The following MRPS6 variants were observed in gnomAD, a reference collection of about 807,000 sequenced individuals.
MRPS6 encodes mitochondrial ribosomal protein S6, also known as small ribosomal subunit protein bS6m.
A neutral mutation model predicts 13.1 loss-of-function variants in MRPS6; 6 were observed. The ratio of observed to expected loss-of-function variants is 0.46; its 90% CI spans 0.25 to 0.91. MRPS6 has a LOEUF of 0.91. Ranked by LOEUF, MRPS6 falls within the 40% of genes least tolerant of loss-of-function variation. MRPS6 has a pLI of 0.18. For synonymous variants in MRPS6, 61 were observed against 56.5 expected (o/e 1.08, Z -0.36); for missense variants, 164 against 155.6 (o/e 1.05, Z -0.29).
At chr21:34,128,636 A>G (rs1161197175) in intron 2 of MRPS6, among the ~76,000 whole-genome samples, 1 of 152,180 alleles carries the variant, frequency 6.6e-6, no homozygotes, top group Non-Finnish European at 1.5e-5. Flanking sequence ...TTTGCCTGTA[A>G]GTCTGTTGTT....
At chr21:34,100,858 T>A in intron 1 of MRPS6, 2 of 1,000,228 alleles carry the variant, frequency 2.0e-6, no homozygotes, top group Non-Finnish European at 2.4e-6. Context: ...TACCACCAAA[T>A]AAAGCGGCTT....
intron 1 of MRPS6, chr21:34,105,396 A>G (rs1979432441): frequency 1.0e-6 from 1 of 999,246 alleles, no homozygotes; most frequent in Non-Finnish European, 1.2e-6. Flanking sequence ...TTCTTTTTCT[A>G]ATAATATCCT....
chr21:34,139,523 G>A (rs751751760), intron 2 of MRPS6, among the ~76,000 whole-genome samples: 8 of 152,170 alleles, frequency 5.3e-5, no homozygotes, highest in Non-Finnish European at 1.0e-4. Flanking sequence ...CTTCTTGAGT[G>A]AGGTTTGGTA....
chr21:34,131,166 A>T (rs1189275144), intron 2 of MRPS6, among the ~76,000 whole-genome samples: 1 of 152,232 alleles, frequency 6.6e-6, no homozygotes, highest in East Asian at 1.9e-4. Context: ...AGCTTTTGTT[A>T]AGTAAGAATG....
rs532545665 is a variant in MRPS6 at position 34,081,774 on chromosome 21, G to A, written c.45+8029G>A. On this transcript the variant is annotated intron_variant, in intron 1 of 2. Transcript: ENST00000399312. ...GTAGCTTTGTGGTCTTAGGCAAGTC[G>A]CTGTGAACTTCATTGCCTAGTTTTT... is the stretch of plus-strand genomic sequence containing the variant. Among the ~76,000 whole-genome samples the A allele has an allele frequency of 1.2e-4, 19 of 152,270 alleles. 1 individual carries two copies. The South Asian group carries it at 3.5e-3, about 28-fold the overall frequency.
chr21:34,118,557 C>CTTTCTTTCT (rs1556008872), intron 1 of MRPS6, among the ~76,000 whole-genome samples: 7 of 133,180 alleles, frequency 5.3e-5, no homozygotes, highest in East Asian at 4.2e-4. Flanking sequence ...TTCTTTCTTT[C>CTTTCTTTCT]TTTTTTTTTT....
At chr21:34,089,217 A>C (rs1978556840) in intron 1 of MRPS6, among the ~76,000 whole-genome samples, 1 of 151,284 alleles carries the variant, frequency 6.6e-6, no homozygotes, top group African/African-American at 2.4e-5. Flanking sequence ...TTTAGAGATG[A>C]GGTTTGGCCA....
intron 1 of MRPS6, chr21:34,104,256 G>A (rs1252965656): frequency 3.0e-6 from 3 of 999,936 alleles, no homozygotes; most frequent in Non-Finnish European, 3.6e-6. Flanking sequence ...GGGTGGAGAG[G>A]ATTCTTTCAC....
intron 1 of MRPS6, among the ~76,000 whole-genome samples, chr21:34,074,617 G>A (rs1989280151): frequency 6.6e-6 from 1 of 152,230 alleles, no homozygotes; most frequent in South Asian, 2.1e-4. Context: ...TCAAGTCGTC[G>A]CCGAAATCCC....
chr21:34,099,639 A>G (rs1420654989), intron 1 of MRPS6: 3 of 997,762 alleles, frequency 3.0e-6, no homozygotes, highest in Non-Finnish European at 3.6e-6. Flanking sequence ...ATTGAGTCCT[A>G]GTAGTTTGGA....
chr21:34,109,944 G>A (rs904048628), intron 1 of MRPS6, among the ~76,000 whole-genome samples: 11 of 152,084 alleles, frequency 7.2e-5, no homozygotes, highest in African/African-American at 2.7e-4. Flanking sequence ...AGGTTTTCAG[G>A]TGGGAGCATA....
In MRPS6 at chr21:34,132,429, G is replaced by A. The variant is rs995712268; in HGVS notation, c.185+6949G>A. Among the ~76,000 whole-genome samples the A allele has an allele frequency of 6.6e-5, 10 of 152,222 alleles. 1 individual carries two copies. Among genetic ancestry groups the A allele is most frequent in the Non-Finnish European group, 1.3e-4 (9 of 68,038 alleles). On this transcript the variant is annotated intron_variant, in intron 2 of 2. Coordinates refer to ENST00000399312, the MANE Select transcript of MRPS6 (RefSeq NM_032476.4). ...CAGCTGTGCATGCCGGCTTGTGCTC[G>A]TTTAGTTGGTTGCTGAAGGAGCGTT...
chr21:34,085,467 A>G (rs2148655082), intron 1 of MRPS6, among the ~76,000 whole-genome samples: 1 of 152,324 alleles, frequency 6.6e-6, no homozygotes, highest in East Asian at 1.9e-4. Context: ...TTGAGACTGA[A>G]TATTTTGTTT....
At chr21:34,105,440 G>A in intron 1 of MRPS6, 1 of 999,350 alleles carries the variant, frequency 1.0e-6, no homozygotes, top group African/African-American at 1.7e-5. Flanking sequence ...TTATTTTTAA[G>A]CCAAATGTCA....
chr21:34,074,381 C>T (rs890320804), intron 1 of MRPS6, among the ~76,000 whole-genome samples: 1 of 152,274 alleles, frequency 6.6e-6, no homozygotes, highest in African/African-American at 2.4e-5. Flanking sequence ...AAATCCCGCT[C>T]CGGGTGCCCT....
At chr21:34,078,782 A>ACGGAAACATC (rs1989392323) in intron 1 of MRPS6, among the ~76,000 whole-genome samples, 1 of 152,228 alleles carries the variant, frequency 6.6e-6, no homozygotes, top group Non-Finnish European at 1.5e-5. Context: ...AAATGATAAA[A>ACGGAAACATC]TACTGTGTGA....
chr21:34,117,574 C>G (rs544906618), intron 1 of MRPS6, among the ~76,000 whole-genome samples: 1 of 152,268 alleles, frequency 6.6e-6, no homozygotes, highest in East Asian at 1.9e-4. Flanking sequence ...TGCGGCTACC[C>G]TTTTGGAGAT....
intron 1 of MRPS6, chr21:34,103,962 G>A (rs1381619345): frequency 2.0e-6 from 2 of 1,000,184 alleles, no homozygotes; most frequent in Non-Finnish European, 2.4e-6. Flanking sequence ...TTAAGCTGTA[G>A]TGTGATTGGG....
At chr21:34,138,662 G>A (rs865867841) in intron 2 of MRPS6, among the ~76,000 whole-genome samples, 2 of 151,990 alleles carry the variant, frequency 1.3e-5, no homozygotes, top group African/African-American at 4.8e-5. Context: ...AGTTAGAATG[G>A]CAATCATTAA....
Sources: allele counts gnomAD v4.1 joint callset (sites outside exome capture counted in the v4.1 genomes callset), GRCh38; gene constraint gnomAD v4.1.1; transcripts MANE v1.5; gene names NCBI Gene and HGNC (gene_info 2026-07-23, HGNC 2026-07-21).